Variants in MAOA observed in about 807,000 individuals in gnomAD.
MAOA encodes monoamine oxidase A, also known as amine oxidase [flavin-containing] A.
MAOA carries 6 observed loss-of-function variants against 42.0 expected under a neutral mutation model. The ratio of observed to expected loss-of-function variants is 0.14; its 90% CI spans 0.08 to 0.28. The LOEUF is 0.28. Ranked by LOEUF, MAOA falls within the 10% of genes least tolerant of loss-of-function variation. The pLI, the probability that MAOA is intolerant of heterozygous loss-of-function variation, is 1.00. For synonymous variants in MAOA, 140 were observed against 154.0 expected, an observed-to-expected ratio of 0.91 and a Z score of 0.67; for missense variants, 262 against 422.3, an observed-to-expected ratio of 0.62 and a Z score of 3.33.
At chrX:43,665,993 G>A (rs1189709788) in intron 1 of MAOA, among the ~76,000 whole-genome samples, 4 of 112,258 alleles carry the variant, frequency 3.6e-5, no homozygotes, top group Admixed American at 2.8e-4. Flanking sequence ...TTACTTAGGC[G>A]TAAAGGTTAA....
intron 3 of MAOA, among the ~76,000 whole-genome samples, chrX:43,709,614 G>A (rs9330645): frequency 0.15 from 16,789 of 110,533 alleles, 3,054 homozygotes; most frequent in African/African-American, 0.52. Flanking sequence ...TTGACTATAC[G>A]TACATTTTAT....
chrX:43,678,190 T>C (rs2033416145), intron 1 of MAOA, among the ~76,000 whole-genome samples: 1 of 111,680 alleles, frequency 9.0e-6, no homozygotes, highest in East Asian at 2.8e-4. Flanking sequence ...TTGTTAATCA[T>C]TTACTGGCAT....
intron 4 of MAOA, 44 bp downstream of exon 4, chrX:43,712,020 A>G (rs1404935819): frequency 1.1e-6 from 1 of 892,643 alleles, no homozygotes. Flanking sequence ...TACTGAAATA[A>G]CAATGGCAAC....
intron 9 of MAOA, 105 bp from the exon 10 acceptor site, chrX:43,736,122 C>A: frequency 3.6e-6 from 2 of 559,429 alleles, no homozygotes; most frequent in Non-Finnish European, 3.0e-6. Flanking sequence ...TGAGAGAGTT[C>A]ATTTCATGCT....
chrX:43,712,074 C>A, intron 4 of MAOA, 98 bp downstream of exon 4: 1 of 650,112 alleles, frequency 1.5e-6, no homozygotes, highest in South Asian at 2.3e-5. Flanking sequence ...GCTCTGGACA[C>A]CAATGCATAT....
chrX:43,656,254 C>G, upstream of MAOA: 1 of 844,580 alleles, frequency 1.2e-6, no homozygotes, highest in Non-Finnish European at 1.7e-6. Flanking sequence ...CGCCCCCGGG[C>G]TCCCCGGGGG....
chrX:43,743,981 A>G (rs2033980009), intron 13 of MAOA, 76 bp downstream of exon 13: 11 of 1,175,829 alleles, frequency 9.4e-6, no homozygotes, highest in Non-Finnish European at 1.3e-5. Flanking sequence ...CTAGTTCTTG[A>G]CACTGATAGA....
Position 43,707,218 on chromosome X carries a change from C to A in MAOA, c.307-4654C>A, listed in dbSNP as rs747706504. The stretch of plus-strand genomic sequence containing the variant: ...TTCAGTGGATCATAGAAGGAGGGGT[C>A]TTGGGGAACTAGGCTGAGGCTTGGG... On this transcript the variant is annotated intron_variant, in intron 3 of 14. Transcript: ENST00000338702. Among the ~76,000 whole-genome samples the A allele has an allele frequency of 3.6e-5, 4 of 110,912 alleles. No homozygotes were observed. In the East Asian group the frequency reaches 1.1e-3, roughly 32 times the overall value.
At chrX:43,663,221 C>G (rs2033249672) in intron 1 of MAOA, among the ~76,000 whole-genome samples, 1 of 111,329 alleles carries the variant, frequency 9.0e-6, no homozygotes, top group African/African-American at 3.3e-5. Context: ...TACTGACATT[C>G]TTCACAAACT....
In MAOA at chrX:43,694,801, ACTAATTAAACAGT is replaced by A. The variant is rs1047620562; in HGVS notation, c.306+1375_306+1387del. Among the ~76,000 whole-genome samples the A allele has an allele frequency of 2.7e-5, 3 of 111,815 alleles. No individual in the cohort carries two copies. In the Admixed American group the frequency reaches 2.8e-4, roughly 11 times the overall value. Reference sequence around the variant, plus strand: ...GAGACCAAACCCTTTGCGCTCAACTACTAATTAAACAGTCATGTAAATTCACTCTCCACTCCAA... The same window carrying A: ...GAGACCAAACCCTTTGCGCTCAACTACATGTAAATTCACTCTCCACTCCAA... On this transcript the variant is annotated intron_variant, in intron 3 of 14. Transcript: ENST00000338702.
chrX:43,657,865 A>G, intron 1 of MAOA: 26 of 746,820 alleles, frequency 3.5e-5, no homozygotes, highest in Non-Finnish European at 4.1e-5. Flanking sequence ...TGAACAGGCC[A>G]AGAGAAGAGA....
intron 5 of MAOA, among the ~76,000 whole-genome samples, chrX:43,716,146 G>T (rs1193853386): frequency 9.0e-6 from 1 of 111,368 alleles, no homozygotes; most frequent in Non-Finnish European, 1.9e-5. Flanking sequence ...TTCTAAGAAT[G>T]GTCTTCAGAA....
intron 3 of MAOA, among the ~76,000 whole-genome samples, chrX:43,694,483 T>C (rs1451816914): frequency 1.8e-5 from 2 of 112,057 alleles, no homozygotes; most frequent in African/African-American, 3.2e-5. Context: ...TTTATTCTTT[T>C]CTTTTTACCT....
At chrX:43,681,908 G>A (rs1423096551) in intron 1 of MAOA, among the ~76,000 whole-genome samples, 1 of 100,838 alleles carries the variant, frequency 9.9e-6, no homozygotes, top group South Asian at 4.5e-4. Flanking sequence ...TTGAGACGGA[G>A]TCTTGCTCTG....
intron 5 of MAOA, among the ~76,000 whole-genome samples, chrX:43,727,304 G>A (rs1003049248): frequency 8.9e-6 from 1 of 112,104 alleles, no homozygotes; most frequent in Non-Finnish European, 1.9e-5. Flanking sequence ...CTGGCCCAAG[G>A]AGATGGGGGT....
chrX:43,737,511 T>A (rs2033928574), intron 10 of MAOA, among the ~76,000 whole-genome samples: 1 of 111,943 alleles, frequency 8.9e-6, no homozygotes, highest in Non-Finnish European at 1.9e-5. Context: ...AGGTAGCACT[T>A]TCTCATGGTG....
At chrX:43,665,857 G>GATA (rs58158892) in intron 1 of MAOA, among the ~76,000 whole-genome samples, 5 of 110,098 alleles carry the variant, frequency 4.5e-5, no homozygotes, top group Admixed American at 1.9e-4. Flanking sequence ...TAGATAGATA[G>GATA]GAATGGTTTT....
rs2033702607 is a variant in MAOA at position 43,711,899 on chromosome X, T to C, written c.334T>C (p.Phe112Leu). ...KGKTYPFRGA[F>L]PPVWNPIAYL... ...GAAAACATATCCATTTCGGGGCGCC[T>C]TTCCACCAGTATGGAATCCCATTGC... The change falls in exon 4 of 15, where the codon TTT becomes CTT. Residue 112 changes from phenylalanine (F) to leucine (L), a missense_variant. By Grantham distance (22) the Phe-to-Leu change is conservative. Around this residue, in one of 3 missense-constraint regions of MAOA, gnomAD observed 141 missense variants for 195.6 expected, o/e 0.72. Coordinates refer to ENST00000338702, the MANE Select transcript of MAOA (RefSeq NM_000240.4). 1.5e-5 allele frequency: 18 copies of C among 1,206,047 alleles called. No individual in the cohort carries two copies. The highest frequency in any genetic ancestry group is 2.0e-5 in the Non-Finnish European group (18 of 891,878).
At chrX:43,704,895 A>C (rs888795576) in intron 3 of MAOA, among the ~76,000 whole-genome samples, 1 of 112,113 alleles carries the variant, frequency 8.9e-6, no homozygotes, top group African/African-American at 3.2e-5. Flanking sequence ...CTTAGCAATA[A>C]ATTTAACCAA....
Sources: gnomAD v4.1 joint callset for allele counts (sites outside exome capture counted in the v4.1 genomes callset) on GRCh38, gnomAD v4.1.1 for gene constraint, gnomAD v4.1.1 regional missense constraint, MANE v1.5 for transcripts, NCBI Gene and HGNC (gene_info 2026-07-23, HGNC 2026-07-21) for gene names.